The following GTF3C5 variants were observed in gnomAD, a reference collection of about 807,000 sequenced individuals.
GTF3C5 encodes the protein general transcription factor IIIC subunit 5.
A neutral mutation model predicts 61.0 loss-of-function variants in GTF3C5; 47 were observed. The observed-to-expected ratio is 0.77, with a 90% CI of 0.61 to 0.98. The LOEUF (loss-of-function observed/expected upper bound fraction) is 0.98. GTF3C5 is among the 50% of genes least tolerant of loss of function. GTF3C5 has a pLI of 0.00. For synonymous variants in GTF3C5, 295 were observed against 275.4 expected, an observed-to-expected ratio of 1.07 and a Z score of -0.71; for missense variants, 659 against 703.3, an observed-to-expected ratio of 0.94 and a Z score of 0.71.
At chr9:133,033,136 A>C (rs1297085477) in intron 1 of GTF3C5, among the ~76,000 whole-genome samples, 2 of 152,186 alleles carry the variant, frequency 1.3e-5, no homozygotes, top group African/African-American at 4.8e-5. Flanking sequence ...ATTTATAGTT[A>C]ACCACCAGAA....
Position 133,054,363 on chromosome 9 carries a change from C to G in GTF3C5, c.989-45C>G, listed in dbSNP as rs573621755. 2.8e-5 allele frequency: 42 copies of G among 1,507,594 alleles called. No homozygotes were observed. In the South Asian group the frequency reaches 4.7e-4, roughly 17 times the overall value. The allele number at this position is 1,507,594 out of a possible 1,614,324, so 93.4% of individuals were successfully genotyped here. On this transcript the variant is annotated intron_variant, in intron 6 of 10. Transcript: ENST00000372097. ...GTGTGAAGCCAGTGTTGTGTGCCGA[C>G]GGGCCCTGTGCCCGCCCACCTGACT...
At chr9:133,036,555 C>A (rs934513950) in intron 1 of GTF3C5, among the ~76,000 whole-genome samples, 1 of 152,134 alleles carries the variant, frequency 6.6e-6, no homozygotes, top group Non-Finnish European at 1.5e-5. Context: ...AAAGCTACCC[C>A]CTTCTTTACA....
intron 10 of GTF3C5, 137 bp from the exon 11 acceptor site, chr9:133,057,677 A>G (rs1325971075): frequency 9.6e-6 from 7 of 731,710 alleles, no homozygotes; most frequent in Non-Finnish European, 1.3e-5. Context: ...TCCACCCCAT[A>G]CTTACCCACC....
At chr9:133,039,125 G>A (rs1397425400) in intron 1 of GTF3C5, among the ~76,000 whole-genome samples, 1 of 152,212 alleles carries the variant, frequency 6.6e-6, no homozygotes, top group African/African-American at 2.4e-5. Context: ...AGGATGCTAT[G>A]TGTAAGTTCT....
intron 5 of GTF3C5, 81 bp from the exon 6 acceptor site, chr9:133,053,747 G>C: frequency 1.2e-6 from 1 of 822,230 alleles, no homozygotes; most frequent in Admixed American, 2.4e-5. Context: ...GAGCTCTTCT[G>C]CTGCCTCACT....
chr9:133,036,289 G>A (rs1489139548), intron 1 of GTF3C5, among the ~76,000 whole-genome samples: 1 of 152,090 alleles, frequency 6.6e-6, no homozygotes, highest in Non-Finnish European at 1.5e-5. Flanking sequence ...TCTCTAATAG[G>A]ATAGCTTCAT....
At chr9:133,056,259 C>T (rs952223523) in intron 9 of GTF3C5, among the ~76,000 whole-genome samples, 165 bp downstream of exon 9, 5 of 152,160 alleles carry the variant, frequency 3.3e-5, no homozygotes, top group South Asian at 2.1e-4. Context: ...TGGTGGCCCT[C>T]GTAGAGGCGG....
intron 1 of GTF3C5, among the ~76,000 whole-genome samples, chr9:133,031,572 A>G (rs1849733091): frequency 6.6e-6 from 1 of 152,044 alleles, no homozygotes. Context: ...GGCTTGTTGG[A>G]AATAAATTTT....
At chr9:133,047,272 C>T (rs563261714) in intron 3 of GTF3C5, among the ~76,000 whole-genome samples, 10 of 152,294 alleles carry the variant, frequency 6.6e-5, no homozygotes, top group Middle Eastern at 3.4e-3. Flanking sequence ...ACAAGGGCCA[C>T]ACATGTTGCT....
At chr9:133,048,707 CT>C (rs980063548) in intron 3 of GTF3C5, among the ~76,000 whole-genome samples, 68 of 152,328 alleles carry the variant, frequency 4.5e-4, no homozygotes, top group African/African-American at 1.6e-3. Context: ...ACTGCCGCCC[CT>C]GGCACTAGAT....
chr9:133,032,070 T>TC (rs1403545214), intron 1 of GTF3C5, among the ~76,000 whole-genome samples: 6 of 152,222 alleles, frequency 3.9e-5, no homozygotes, highest in Non-Finnish European at 8.8e-5. Context: ...TTATTAATTT[T>TC]CCCCCTCTTG....
chr9:133,043,942 A>G lies in GTF3C5; in HGVS notation c.572+16A>G, dbSNP rs768320089. ...CCCAGCACCGGTAAGGCCCCCCTCCATGCAGCCTCGGTTCTCTATCCTGAA... is the reference window on the plus strand; with the variant it reads ...CCCAGCACCGGTAAGGCCCCCCTCCGTGCAGCCTCGGTTCTCTATCCTGAA... On this transcript the variant is annotated intron_variant, in intron 3 of 10. Coordinates refer to ENST00000372097, the MANE Select transcript of GTF3C5 (RefSeq NM_012087.4). 9 of 1,594,482 alleles carry G rather than the reference A, an allele frequency of 5.6e-6. No homozygotes were observed. Among genetic ancestry groups the G allele is most frequent in the East Asian group, 2.2e-5 (1 of 44,764 alleles).
intron 7 of GTF3C5, 70 bp from the exon 8 acceptor site, chr9:133,054,642 G>T: frequency 1.4e-6 from 2 of 1,453,730 alleles, no homozygotes; most frequent in South Asian, 2.4e-5. Flanking sequence ...GGAGGGCAGG[G>T]CATGGTGGTT....
intron 8 of GTF3C5, chr9:133,055,384 C>G: frequency 7.7e-7 from 1 of 1,299,480 alleles, no homozygotes; most frequent in Non-Finnish European, 1.0e-6. Flanking sequence ...GCAGCAGAGA[C>G]GGGTGATGCG....
intron 1 of GTF3C5, among the ~76,000 whole-genome samples, chr9:133,034,494 GATT>G (rs1849812461): frequency 6.6e-6 from 1 of 152,178 alleles, no homozygotes; most frequent in South Asian, 2.1e-4. Context: ...ATAGACAAGT[GATT>G]ATTAAGCCCT....
chr9:133,038,053 G>T (rs1164396667), intron 1 of GTF3C5, among the ~76,000 whole-genome samples: 1 of 152,146 alleles, frequency 6.6e-6, no homozygotes, highest in Non-Finnish European at 1.5e-5. Context: ...AGGGATGTGG[G>T]TTACAGTGGC....
chr9:133,036,278 C>G (rs964565640), intron 1 of GTF3C5, among the ~76,000 whole-genome samples: 1 of 152,192 alleles, frequency 6.6e-6, no homozygotes, highest in African/African-American at 2.4e-5. Flanking sequence ...GTTAAATCAT[C>G]TCTCTAATAG....
intron 1 of GTF3C5, among the ~76,000 whole-genome samples, chr9:133,041,822 A>G (rs1207752677): frequency 6.6e-6 from 1 of 152,238 alleles, no homozygotes; most frequent in African/African-American, 2.4e-5. Flanking sequence ...AGAAGGACCA[A>G]CTAATGCCCC....
chr9:133,034,910 G>A (rs116170057), intron 1 of GTF3C5, among the ~76,000 whole-genome samples: 3 of 152,154 alleles, frequency 2.0e-5, no homozygotes, highest in Admixed American at 6.5e-5. Context: ...AAGGGGATAA[G>A]CCAACATCTT....
Sources: gnomAD v4.1 joint callset for allele counts (sites outside exome capture counted in the v4.1 genomes callset) on GRCh38, gnomAD v4.1.1 for gene constraint, MANE v1.5 for transcripts, NCBI Gene and HGNC (gene_info 2026-07-23, HGNC 2026-07-21) for gene names.